The following MSH6 variants were observed in gnomAD, a reference collection of about 807,000 sequenced individuals.
MSH6 encodes DNA mismatch repair protein Msh6.
In MSH6, 85 loss-of-function variants were observed where a neutral mutation model predicts 119.1. The ratio of observed to expected loss-of-function variants is 0.71; its 90% CI spans 0.60 to 0.85. The LOEUF (loss-of-function observed/expected upper bound fraction) is 0.85, where lower values mean the gene tolerates loss of function less well. Ranked by LOEUF, MSH6 falls within the 40% of genes least tolerant of loss-of-function variation. The probability of loss-of-function intolerance (pLI) is 0.00; values close to 1 mark genes in which losing one functional copy is unlikely to be tolerated. For missense variants in MSH6, 2,163 were observed against 1,655.3 expected (o/e 1.31, Z -5.32); for synonymous variants, 830 against 586.9 (o/e 1.41, Z -5.99).
chr2:47,788,624 T>C (rs3136262), intron 1 of MSH6, among the ~76,000 whole-genome samples: 31,689 of 136,100 alleles, frequency 0.23, 4,098 homozygotes, highest in Non-Finnish European at 0.3. Flanking sequence ...GGCTGGAGTG[T>C]AGTGGCATGA....
Position 47,806,444 on chromosome 2 carries a change from T to C in MSH6, c.3802-8T>C, listed in dbSNP as rs864622195. 6.2e-7 allele frequency: 1 copy of C among 1,614,070 alleles called. No individual in the cohort carries two copies. The highest frequency in any genetic ancestry group is 8.5e-7 in the Non-Finnish European group (1 of 1,179,976). ...GCACATGTATCGCTAATATTTTTCT[T>C]TCTTAAGGCATGCATGGTAGAAAAT... On this transcript the variant is annotated splice_region_variant and splice_polypyrimidine_tract_variant and intron_variant, in intron 8 of 9. Coordinates refer to ENST00000234420, the MANE Select transcript of MSH6 (RefSeq NM_000179.3).
At chr2:47,794,363 C>T (rs753942393) in intron 2 of MSH6, among the ~76,000 whole-genome samples, 16 of 152,020 alleles carry the variant, frequency 1.1e-4, no homozygotes, top group East Asian at 7.8e-4. Context: ...TCTCTGTCTC[C>T]GGGGTTCAAG....
chr2:47,794,650 C>G (rs1000625241), intron 2 of MSH6, among the ~76,000 whole-genome samples: 8 of 152,030 alleles, frequency 5.3e-5, no homozygotes, highest in African/African-American at 7.2e-5. Context: ...GCTGCCCTTT[C>G]AAAATGTGAA....
chr2:47,802,822 C>T (rs1384295088), intron 4 of MSH6, among the ~76,000 whole-genome samples: 1 of 152,150 alleles, frequency 6.6e-6, no homozygotes, highest in Non-Finnish European at 1.5e-5. Flanking sequence ...AAAAACCAGT[C>T]TTCAGAGATT....
chr2:47,807,427 G>T (rs1670297391), downstream of MSH6: 1 of 205,842 alleles, frequency 4.9e-6, no homozygotes, highest in Non-Finnish European at 1.0e-5. Context: ...GGAAGGGAAG[G>T]AAATAATAGT....
At chr2:47,790,894 T>C (rs1168592357) in intron 1 of MSH6, 33 bp from the exon 2 acceptor site, 3 of 1,607,072 alleles carry the variant, frequency 1.9e-6, no homozygotes, top group African/African-American at 2.7e-5. Context: ...TGACCAAATA[T>C]TAACTAAGTT....
downstream of MSH6, chr2:47,809,057 T>A (rs1389195431): frequency 1.5e-6 from 1 of 670,152 alleles, no homozygotes; most frequent in South Asian, 1.9e-5. Context: ...CAGTTAGTTA[T>A]AGTCTCAACA....
At chr2:47,787,890 G>T (rs1347183221) in intron 1 of MSH6, among the ~76,000 whole-genome samples, 1 of 152,090 alleles carries the variant, frequency 6.6e-6, no homozygotes, top group African/African-American at 2.4e-5. Flanking sequence ...TCATAGGTGT[G>T]AGCCACCACA....
chr2:47,793,364 T>G lies in MSH6; in HGVS notation c.457+2241T>G, dbSNP rs1371513097. On this transcript the variant is annotated intron_variant, in intron 2 of 9. Coordinates refer to ENST00000234420, the MANE Select transcript of MSH6 (RefSeq NM_000179.3). ...AAAAAAAAAGGCTGGGCACGGTGGCTCGCGCCTGTAATCCCAACACTTTGG... is the reference window on the plus strand; with the variant it reads ...AAAAAAAAAGGCTGGGCACGGTGGCGCGCGCCTGTAATCCCAACACTTTGG... Among the ~76,000 whole-genome samples the G allele has an allele frequency of 3.9e-5, 5 of 129,196 alleles. No individual in the cohort carries two copies. In the East Asian group the frequency reaches 9.7e-4, roughly 25 times the overall value. 84.8% of individuals were successfully genotyped at this position (129,196 alleles called of 152,430 possible).
At chr2:47,807,981 A>C, downstream of MSH6, 1 of 755,322 alleles carries the variant, frequency 1.3e-6, no homozygotes, top group Non-Finnish European at 2.1e-6. Context: ...TGAGCTTCAT[A>C]GTGTCAACTG....
chr2:47,801,365 T>TTTTTTTTTTC (rs1669581804), intron 4 of MSH6: 1 of 446,396 alleles, frequency 2.2e-6, no homozygotes, highest in Non-Finnish European at 3.9e-6. Flanking sequence ...TCTTCAGTTT[T>TTTTTTTTTTC]TTTTTTTTTT....
At position 47,801,153 on chromosome 2, in the gene MSH6, T is replaced by C. The variant is rs778741297; in HGVS notation, c.3170T>C (p.Leu1057Ser). Residue 1057 changes from leucine to serine, a missense_variant and splice_region_variant, in exon 4 of 10, where the codon TTG becomes TCG. By Grantham distance (145) the Leu-to-Ser change is moderately radical. Coordinates refer to ENST00000234420, the MANE Select transcript of MSH6 (RefSeq NM_000179.3). ...WQSAVECIAV[L>S]DVLLCLANYS... ...TCTGCTGTAGAGTGTATCGCAGTGT[T>C]GGGTAAGACTTTGAACAAGCTTGTT... is the stretch of plus-strand genomic sequence containing the variant. The C allele has an allele frequency of 6.2e-7, 1 of 1,609,436 alleles. No individual in the cohort carries two copies. Among genetic ancestry groups the C allele is most frequent in the Non-Finnish European group, 8.5e-7 (1 of 1,179,964 alleles).
At chr2:47,806,736 GAAAAAACA>G (rs1376561150) in intron 9 of MSH6, 35 bp from the exon 10 acceptor site, 1 of 1,512,446 alleles carries the variant, frequency 6.6e-7, no homozygotes, top group Non-Finnish European at 9.0e-7. Flanking sequence ...GATGCACTAT[GAAAAAACA>G]AAAAAACTTT....
At chr2:47,796,174 T>A in intron 3 of MSH6, 111 bp downstream of exon 3, 4 of 1,078,860 alleles carry the variant, frequency 3.7e-6, no homozygotes, top group Non-Finnish European at 4.2e-6. Context: ...GTATATGTAT[T>A]ATTTTATTAT....
At position 47,800,075 on chromosome 2, in the gene MSH6, C is replaced by A. The variant is rs63750832; in HGVS notation, c.2092C>A (p.Gln698Lys). The change falls in exon 4 of 10, where the codon CAG becomes AAG. Residue 698 changes from glutamine to lysine, a missense_variant. By Grantham distance (53) the Gln-to-Lys change is moderately conservative. Transcript: ENST00000234420. ...CTACCTCAAAAAATGCCTTATTGAT[C>A]AGGAGCTTTTATCAATGGCTAATTT... Reference protein sequence around the residue: ...VFYLKKCLIDQELLSMANFEE... With the variant: ...VFYLKKCLIDKELLSMANFEE... The A allele has an allele frequency of 6.2e-7, 1 of 1,614,122 alleles. No homozygotes were observed. The highest frequency in any genetic ancestry group is 1.3e-5 in the African/African-American group (1 of 75,034).
chr2:47,788,037 G>T (rs1318495511), intron 1 of MSH6, among the ~76,000 whole-genome samples: 1 of 152,018 alleles, frequency 6.6e-6, no homozygotes, highest in Non-Finnish European at 1.5e-5. Context: ...TTTGAGAAAT[G>T]TTTAAAATTT....
chr2:47,792,090 C>T (rs573999267), intron 2 of MSH6, among the ~76,000 whole-genome samples: 1 of 152,262 alleles, frequency 6.6e-6, no homozygotes, highest in Non-Finnish European at 1.5e-5. Context: ...CAGTAATCCA[C>T]CCACCTCCCC....
At chr2:47,806,090 T>C in intron 7 of MSH6, 114 bp from the exon 8 acceptor site, 1 of 1,013,682 alleles carries the variant, frequency 9.9e-7, no homozygotes, top group Non-Finnish European at 1.5e-6. Context: ...TAGAATGCTT[T>C]TAGACGTGGA....
At position 47,800,045 on chromosome 2, in the gene MSH6, G is replaced by A. The variant is rs1201347192; in HGVS notation, c.2062G>A (p.Val688Ile). The change falls in exon 4 of 10, where the codon GTC (valine) becomes ATC (isoleucine). Residue 688 changes from valine to isoleucine, a missense_variant. By Grantham distance (29) the Val-to-Ile change is conservative. Transcript: ENST00000234420. ...ELALSALGGC[V>I]FYLKKCLIDQ... ...GGCCCTCTCTGCTCTAGGTGGTTGT[G>A]TCTTCTACCTCAAAAAATGCCTTAT... 1 of 1,614,106 alleles carries A rather than the reference G, an allele frequency of 6.2e-7. No individual in the cohort carries two copies. The highest frequency in any genetic ancestry group is 2.2e-5 in the East Asian group (1 of 44,876).
Sources: gnomAD v4.1 joint callset for allele counts (sites outside exome capture counted in the v4.1 genomes callset) on GRCh38, gnomAD v4.1.1 for gene constraint, MANE v1.5 for transcripts, NCBI Gene and HGNC (gene_info 2026-07-23, HGNC 2026-07-21) for gene names.